Variants in ATP8A2 observed in about 807,000 individuals in gnomAD.
ATP8A2 encodes phospholipid-transporting ATPase IB.
In ATP8A2, 100 loss-of-function variants were observed where a neutral mutation model predicts 165.6. The ratio of observed to expected loss-of-function variants is 0.60; its 90% confidence interval spans 0.51 to 0.71. ATP8A2 has a LOEUF of 0.71. Among genes scored for constraint, ATP8A2 ranks in the 30% least tolerant of loss-of-function variants. The pLI is 0.00. For missense variants in ATP8A2, 1,227 were observed against 1,479.5 expected (o/e 0.83, Z 2.80); for synonymous variants, 543 against 548.8 (o/e 0.99, Z 0.15).
chr13:25,555,827 G>A (rs1361337154), intron 13 of ATP8A2, among the ~76,000 whole-genome samples: 1 of 151,990 alleles, frequency 6.6e-6, no homozygotes, highest in Non-Finnish European at 1.5e-5. Flanking sequence ...TTATGTCCTT[G>A]AGTATGCAAT....
At chr13:25,553,672 T>C in intron 11 of ATP8A2, 121 bp from the exon 12 acceptor site, 6 of 1,021,498 alleles carry the variant, frequency 5.9e-6, no homozygotes, top group Non-Finnish European at 8.7e-6. Flanking sequence ...GAAAGCAGCC[T>C]TTGAACTCAC....
rs752985920 is a variant in ATP8A2 at position 26,013,674 on chromosome 13, CA to C, written c.3469+1067del. Among the ~76,000 whole-genome samples, 576 of 144,310 alleles carry C rather than the reference CA, an allele frequency of 4.0e-3. 5 individuals are homozygous for C. The highest frequency in any genetic ancestry group is 0.014 in the African/African-American group (525 of 38,854). 94.7% of individuals were successfully genotyped at this position (144,310 alleles called of 152,430 possible). A position where few individuals can be genotyped will look rare whatever the true frequency, so the allele number is the denominator to read the frequency against. On this transcript the variant is annotated intron_variant, in intron 36 of 36. Transcript: ENST00000381655. ...GGGCAACAAGAGCGAAACTTGGTCT[CA>C]AAAAAAAAAAAAAAGAAAGAAAGAA...
At chr13:25,776,771 C>A (rs2044752649) in intron 27 of ATP8A2, among the ~76,000 whole-genome samples, 1 of 152,148 alleles carries the variant, frequency 6.6e-6, no homozygotes, top group Non-Finnish European at 1.5e-5. Context: ...TTCGTGCTAT[C>A]CCAGGCTTCC....
chr13:25,887,344 C>CT (rs1216490426), intron 33 of ATP8A2, among the ~76,000 whole-genome samples: 39 of 146,792 alleles, frequency 2.7e-4, no homozygotes, highest in Admixed American at 7.5e-4. Context: ...CAGTCCAACT[C>CT]TTTTTTTTTT....
chr13:25,452,787 CTT>C (rs1019900225), intron 1 of ATP8A2, among the ~76,000 whole-genome samples: 1 of 152,050 alleles, frequency 6.6e-6, no homozygotes. Flanking sequence ...TAATAGGAAA[CTT>C]TTGAATTAAA....
chr13:25,435,748 C>T lies in ATP8A2; in HGVS notation c.77-33229C>T, dbSNP rs567430388. On this transcript the variant is annotated intron_variant, in intron 1 of 36. Transcript: ENST00000381655. The stretch of plus-strand genomic sequence containing the variant: ...TTATTGTATTATATTGATTTATGTC[C>T]CTGCTCTTCTTCAAGAGGCCTGCAT... Among the ~76,000 whole-genome samples, 3 of 151,108 alleles carry T rather than the reference C, an allele frequency of 2.0e-5. No individual in the cohort carries two copies. In the South Asian group the frequency reaches 6.3e-4, roughly 32 times the overall value.
intron 18 of ATP8A2, among the ~76,000 whole-genome samples, chr13:25,574,298 C>T (rs2039553413): frequency 6.6e-6 from 1 of 152,110 alleles, no homozygotes. Flanking sequence ...AAGATTTTTC[C>T]TAAATTTGGT....
At chr13:25,661,256 AC>A (rs1273271970) in intron 24 of ATP8A2, among the ~76,000 whole-genome samples, 3 of 152,092 alleles carry the variant, frequency 2.0e-5, no homozygotes. Flanking sequence ...ACTCTTCCAC[AC>A]CCAAAAAACC....
chr13:25,375,517 C>T (rs1038262371), intron 1 of ATP8A2, among the ~76,000 whole-genome samples: 3 of 152,044 alleles, frequency 2.0e-5, no homozygotes, highest in Admixed American at 1.3e-4. Context: ...CATTTCTGGA[C>T]TTAGTGAAAG....
At chr13:25,568,589 G>A (rs1011773672) in intron 16 of ATP8A2, among the ~76,000 whole-genome samples, 3 of 152,224 alleles carry the variant, frequency 2.0e-5, no homozygotes, top group Non-Finnish European at 1.5e-5. Flanking sequence ...CAAAATAGAG[G>A]TTACTGGGGG....
chr13:25,683,574 A>G (rs571323414), intron 24 of ATP8A2, among the ~76,000 whole-genome samples: 42 of 152,282 alleles, frequency 2.8e-4, no homozygotes, highest in Non-Finnish European at 4.3e-4. Context: ...TCCTTTAACC[A>G]GTAGGGAGAG....
chr13:25,418,571 G>A (rs538507070), intron 1 of ATP8A2, among the ~76,000 whole-genome samples: 2 of 152,274 alleles, frequency 1.3e-5, no homozygotes, highest in South Asian at 2.1e-4. Flanking sequence ...AATGCAAAGA[G>A]CAGATGCATT....
At chr13:25,376,891 C>T (rs934395610) in intron 1 of ATP8A2, among the ~76,000 whole-genome samples, 1 of 152,194 alleles carries the variant, frequency 6.6e-6, no homozygotes, top group Admixed American at 6.5e-5. Flanking sequence ...AGCGCTTACT[C>T]ACCAGGAGCT....
chr13:25,657,802 T>C (rs1400752528), intron 24 of ATP8A2, among the ~76,000 whole-genome samples: 1 of 152,248 alleles, frequency 6.6e-6, no homozygotes, highest in Non-Finnish European at 1.5e-5. Flanking sequence ...ACTGTGTGCG[T>C]TAACACGTAA....
At chr13:25,430,700 C>A (rs911588695) in intron 1 of ATP8A2, among the ~76,000 whole-genome samples, 3 of 151,830 alleles carry the variant, frequency 2.0e-5, no homozygotes, top group Non-Finnish European at 4.4e-5. Context: ...CAGTTTCAAG[C>A]GATTCTCCTA....
chr13:25,486,795 A>G (rs2137615251), intron 2 of ATP8A2, among the ~76,000 whole-genome samples: 1 of 152,208 alleles, frequency 6.6e-6, no homozygotes, highest in East Asian at 1.9e-4. Context: ...GTGAAACCCC[A>G]TCTCTATCAA....
chr13:25,813,558 G>T (rs1950935112), intron 27 of ATP8A2, among the ~76,000 whole-genome samples: 2 of 103,734 alleles, frequency 1.9e-5, no homozygotes. Flanking sequence ...AGGATATGAT[G>T]ATACGATATA....
In ATP8A2 at chr13:25,372,284, C is replaced by A. The variant is rs1056041432; in HGVS notation, c.72C>A (p.Ser24=). ...CGCGGAGGTCGAGGATCCGCTCGTC[C>A]GTGGGTGAGCTGGGAGGGGCGCGGC... ...SLPRRSRIRS[S]VGPVRSSLGY... The change falls in exon 1 of 37, where the codon TCC becomes TCA. Residue 24 remains serine, a synonymous_variant. Transcript: ENST00000381655. The surrounding 1 kb of genome is among the most constrained non-coding windows in gnomAD (Gnocchi z 4.8). 6 of 1,189,036 alleles carry A rather than the reference C, an allele frequency of 5.0e-6. No individual in the cohort carries two copies. Among genetic ancestry groups the A allele is most frequent in the East Asian group, 5.0e-5 (1 of 19,900 alleles). 73.7% of individuals were successfully genotyped at this position (1,189,036 alleles called of 1,614,324 possible).
chr13:26,005,728 T>G (rs929326563), intron 35 of ATP8A2, among the ~76,000 whole-genome samples: 3 of 152,030 alleles, frequency 2.0e-5, no homozygotes, highest in Non-Finnish European at 4.4e-5. Flanking sequence ...TTGTTTGGCA[T>G]GTAGAAATCT....
Sources: gnomAD v4.1 joint callset for allele counts (sites outside exome capture counted in the v4.1 genomes callset) on GRCh38, gnomAD v4.1.1 for gene constraint, Gnocchi (gnomAD v3.1) non-coding constraint, MANE v1.5 for transcripts, NCBI Gene and HGNC (gene_info 2026-07-23, HGNC 2026-07-21) for gene names.